GALNT11: variants seen among roughly 807,000 people sequenced by gnomAD.
The protein encoded by GALNT11 is polypeptide N-acetylgalactosaminyltransferase 11.
A neutral mutation model predicts 72.7 loss-of-function variants in GALNT11; 47 were observed. The observed-to-expected ratio is 0.65, with a 90% CI of 0.51 to 0.82. The LOEUF (loss-of-function observed/expected upper bound fraction) is 0.82. Among genes scored for constraint, GALNT11 ranks in the 40% least tolerant of loss-of-function variants. GALNT11 has a pLI of 0.00. For missense variants in GALNT11, 677 were observed against 778.4 expected (o/e 0.87, Z 1.55); for synonymous variants, 270 against 286.6 (o/e 0.94, Z 0.58).
At chr7:152,103,012 A>C in intron 3 of GALNT11, 100 bp from the exon 4 acceptor site, 1 of 1,064,144 alleles carries the variant, frequency 9.4e-7, no homozygotes, top group Non-Finnish European at 1.3e-6. Flanking sequence ...GGGGTGGGGG[A>C]AGAGGGTGAA....
rs118030182 is a variant in GALNT11, at chr7:152,106,244, C to T, written c.712+874C>T. On this transcript the variant is annotated intron_variant, in intron 5 of 11. Coordinates refer to ENST00000430044, the MANE Select transcript of GALNT11 (RefSeq NM_022087.4). ...TGATGGAACTTGGTGGGGATATTCCCTAGCAGTGACAGCATCTACTGCAGT... is the reference window on the plus strand; with the variant it reads ...TGATGGAACTTGGTGGGGATATTCCTTAGCAGTGACAGCATCTACTGCAGT... 2.0e-3 allele frequency among the ~76,000 whole-genome samples: 304 copies of T among 152,328 alleles called. 3 individuals carry two copies. The East Asian group carries it at 0.056, about 28-fold the overall frequency.
intron 1 of GALNT11, among the ~76,000 whole-genome samples, chr7:152,041,047 GTCC>G (rs2082834630): frequency 6.6e-6 from 1 of 152,116 alleles, no homozygotes; most frequent in Non-Finnish European, 1.5e-5. Flanking sequence ...GACAGTTGGG[GTCC>G]TCCTCAGCGT....
chr7:152,110,283 T>G (rs530969903), intron 6 of GALNT11, among the ~76,000 whole-genome samples: 1 of 152,314 alleles, frequency 6.6e-6, no homozygotes, highest in South Asian at 2.1e-4. Context: ...ATGGTTATAA[T>G]AGGAAAAGAA....
In GALNT11 at chr7:152,025,840, A is replaced by C. The variant is rs904046293; in HGVS notation, c.-83A>C. The C allele has an allele frequency of 4.2e-5, 12 of 284,534 alleles. No homozygotes were observed. The highest frequency in any genetic ancestry group is 2.4e-4 in the Admixed American group (7 of 29,008). The allele number at this position is 284,534 out of a possible 1,614,324, so 17.6% of individuals were successfully genotyped here. A position where few individuals can be genotyped will look rare whatever the true frequency, so the allele number is the denominator to read the frequency against. On this transcript the variant is annotated 5_prime_UTR_variant, in exon 1 of 12. Coordinates refer to ENST00000430044, the MANE Select transcript of GALNT11 (RefSeq NM_022087.4). ...GCTGTGGCGGGAGAGAAGATGCCGC[A>C]GCCCGAGTCCCAGAAGGCGGCGATC... is the stretch of plus-strand genomic sequence containing the variant.
At chr7:152,116,710 A>G (rs535407198) in intron 8 of GALNT11, among the ~76,000 whole-genome samples, 4 of 152,342 alleles carry the variant, frequency 2.6e-5, no homozygotes, top group Admixed American at 2.0e-4. Context: ...ACACACTGCA[A>G]CAGGCTAAAT....
At position 152,121,692 on chromosome 7, in the gene GALNT11, T is replaced by C. The variant is rs967093; in HGVS notation, c.*15T>C. On this transcript the variant is annotated 3_prime_UTR_variant, in exon 12 of 12. Transcript: ENST00000430044. ...TGGAAGGTTAAGGTGGATGCTGTGG[T>C]GGGAACGTTGCTTCATCAGGCGTTG... is the stretch of plus-strand genomic sequence containing the variant. The C allele has an allele frequency of 0.99, 1,591,453 of 1,608,778 alleles. 787,248 individuals carry two copies. Among genetic ancestry groups the C allele is most frequent in the East Asian group, 1 (44,787 of 44,792 alleles).
chr7:152,064,822 G>A (rs1402579212), intron 1 of GALNT11, among the ~76,000 whole-genome samples: 3 of 152,286 alleles, frequency 2.0e-5, no homozygotes, highest in South Asian at 2.1e-4. Flanking sequence ...TGAGAGATCC[G>A]CTGTTAGTCT....
intron 8 of GALNT11, among the ~76,000 whole-genome samples, chr7:152,116,243 T>C (rs552790437): frequency 1.3e-5 from 2 of 152,248 alleles, no homozygotes; most frequent in African/African-American, 4.8e-5. Context: ...GGAGATATTA[T>C]TTAACTTTAT....
intron 1 of GALNT11, among the ~76,000 whole-genome samples, chr7:152,067,794 A>T (rs2084391947): frequency 6.6e-6 from 1 of 152,150 alleles, no homozygotes; most frequent in Non-Finnish European, 1.5e-5. Flanking sequence ...GGTAATTCAT[A>T]AAGAAAAGAG....
At chr7:152,102,183 G>A (rs553639870) in intron 3 of GALNT11, among the ~76,000 whole-genome samples, 412 of 152,106 alleles carry the variant, frequency 2.7e-3, no homozygotes, top group Non-Finnish European at 4.0e-3. Context: ...CAGTGATTTT[G>A]GTAAAAAGAA....
chr7:152,114,091 C>T (rs904938988), intron 8 of GALNT11, among the ~76,000 whole-genome samples: 2 of 151,804 alleles, frequency 1.3e-5, no homozygotes, highest in African/African-American at 2.4e-5. Context: ...CATTGGACTT[C>T]GTGGTGACCC....
chr7:152,096,756 T>C (rs964541342), intron 2 of GALNT11, among the ~76,000 whole-genome samples: 4 of 148,578 alleles, frequency 2.7e-5, no homozygotes, highest in Non-Finnish European at 6.0e-5. Flanking sequence ...ACCCACAGAA[T>C]GGGAGAAAAT....
At chr7:152,121,117 AC>A in intron 11 of GALNT11, 149 bp downstream of exon 11, 1 of 853,608 alleles carries the variant, frequency 1.2e-6, no homozygotes. Context: ...GGTAGTACAA[AC>A]CCTGTATATA....
At chr7:152,084,768 A>T (rs766462544) in intron 1 of GALNT11, among the ~76,000 whole-genome samples, 24 of 152,348 alleles carry the variant, frequency 1.6e-4, no homozygotes, top group Non-Finnish European at 3.5e-4. Context: ...GTATGTATTA[A>T]TTGTTAATAC....
intron 1 of GALNT11, among the ~76,000 whole-genome samples, chr7:152,039,718 C>T (rs949805145): frequency 6.6e-6 from 1 of 152,146 alleles, no homozygotes; most frequent in African/African-American, 2.4e-5. Flanking sequence ...GATAAGGTTT[C>T]AGGTGTTTTG....
intron 2 of GALNT11, among the ~76,000 whole-genome samples, chr7:152,098,437 T>A (rs960530592): frequency 1.4e-4 from 21 of 151,830 alleles, no homozygotes; most frequent in African/African-American, 4.8e-4. Context: ...AAAAAATAAA[T>A]AAATAAATAA....
intron 1 of GALNT11, among the ~76,000 whole-genome samples, chr7:152,059,399 G>C (rs953655222): frequency 6.6e-6 from 1 of 151,988 alleles, no homozygotes; most frequent in Admixed American, 6.6e-5. Flanking sequence ...ACCATACCTG[G>C]CTATAAATGT....
chr7:152,039,253 C>A (rs1015245606), intron 1 of GALNT11, among the ~76,000 whole-genome samples: 2 of 152,132 alleles, frequency 1.3e-5, no homozygotes, highest in Non-Finnish European at 2.9e-5. Flanking sequence ...TTTTCCTAAA[C>A]AAGTATGTTC....
At chr7:152,084,010 A>G (rs1270252733) in intron 1 of GALNT11, among the ~76,000 whole-genome samples, 1 of 152,196 alleles carries the variant, frequency 6.6e-6, no homozygotes, top group Non-Finnish European at 1.5e-5. Flanking sequence ...GGTCTTTGAA[A>G]TCAATGTTAT....
Sources: allele counts gnomAD v4.1 joint callset (sites outside exome capture counted in the v4.1 genomes callset), GRCh38; gene constraint gnomAD v4.1.1; transcripts MANE v1.5; gene names NCBI Gene and HGNC (gene_info 2026-07-23, HGNC 2026-07-21).